FTO: variants seen among roughly 807,000 people sequenced by gnomAD.
FTO encodes FTO alpha-ketoglutarate dependent dioxygenase.
A neutral mutation model predicts 63.9 loss-of-function variants in FTO; 47 were observed. The ratio of observed to expected loss-of-function variants is 0.74; its 90% CI spans 0.58 to 0.94. The LOEUF (loss-of-function observed/expected upper bound fraction) is 0.94. FTO is among the 40% of genes least tolerant of loss of function. The pLI, the probability that FTO is intolerant of heterozygous loss-of-function variation, is 0.00. For missense variants in FTO, 562 were observed against 618.1 expected (o/e 0.91, Z 0.96); for synonymous variants, 207 against 224.4 (o/e 0.92, Z 0.69).
chr16:53,986,619 C>T (rs1401750427), intron 8 of FTO, among the ~76,000 whole-genome samples: 2 of 152,212 alleles, frequency 1.3e-5, no homozygotes, highest in African/African-American at 4.8e-5. Flanking sequence ...CTGCTTAAAA[C>T]TATAATCAAG....
At chr16:54,007,212 C>T (rs1466112773) in intron 8 of FTO, among the ~76,000 whole-genome samples, 3 of 151,970 alleles carry the variant, frequency 2.0e-5, no homozygotes, top group African/African-American at 2.4e-5. Flanking sequence ...ATGTAAATGA[C>T]GAGTTAATGG....
At chr16:54,053,983 C>G (rs1186448411) in intron 8 of FTO, among the ~76,000 whole-genome samples, 1 of 152,092 alleles carries the variant, frequency 6.6e-6, no homozygotes, top group East Asian at 1.9e-4. Context: ...TCCTGCAGCT[C>G]CGATTCCCCG....
intron 7 of FTO, among the ~76,000 whole-genome samples, chr16:53,910,148 A>G (rs2081651004): frequency 6.6e-6 from 1 of 152,130 alleles, no homozygotes; most frequent in African/African-American, 2.4e-5. Context: ...CACAAGAGGG[A>G]TGGCTCTGTA....
chr16:53,881,259 A>C (rs1364980663), intron 6 of FTO, among the ~76,000 whole-genome samples: 1 of 152,204 alleles, frequency 6.6e-6, no homozygotes, highest in African/African-American at 2.4e-5. Flanking sequence ...TAACATGTAC[A>C]TATTGAGGAG....
chr16:54,007,164 A>G (rs2084226814), intron 8 of FTO, among the ~76,000 whole-genome samples: 1 of 152,232 alleles, frequency 6.6e-6, no homozygotes, highest in Admixed American at 6.5e-5. Context: ...AAAAATTTGA[A>G]AACAATTCAG....
intron 7 of FTO, among the ~76,000 whole-genome samples, chr16:53,930,452 T>C (rs2082255168): frequency 6.6e-6 from 1 of 151,964 alleles, no homozygotes; most frequent in Non-Finnish European, 1.5e-5. Context: ...CTCGATCTCC[T>C]GATCTTGTGA....
At chr16:53,810,299 G>T in intron 2 of FTO, 82 bp downstream of exon 2, 1 of 954,124 alleles carries the variant, frequency 1.0e-6, no homozygotes, top group South Asian at 1.3e-5. Flanking sequence ...CTGGGCTAGA[G>T]AGGTTAAATG....
intron 6 of FTO, chr16:53,887,744 TAA>T (rs1723535136): frequency 6.6e-6 from 1 of 152,214 alleles, no homozygotes; most frequent in African/African-American, 2.4e-5. Flanking sequence ...GCATTTCAGA[TAA>T]GAGATATTCA....
At chr16:53,741,402 ATTGT>A (rs1273680132) in intron 1 of FTO, among the ~76,000 whole-genome samples, 1 of 152,066 alleles carries the variant, frequency 6.6e-6, no homozygotes, top group African/African-American at 2.4e-5. Flanking sequence ...CTTCTATTGC[ATTGT>A]TTGTTTATTC....
intron 8 of FTO, among the ~76,000 whole-genome samples, chr16:54,107,650 A>G (rs1359894451): frequency 7.1e-6 from 1 of 140,022 alleles, no homozygotes; most frequent in Non-Finnish European, 1.7e-5. Flanking sequence ...AAGGCAGGAA[A>G]TAACTGACAG....
intron 1 of FTO, among the ~76,000 whole-genome samples, chr16:53,773,998 A>G (rs550453087): frequency 3.9e-5 from 6 of 152,310 alleles, no homozygotes; most frequent in African/African-American, 1.2e-4. Flanking sequence ...AATTTTTTCC[A>G]TGGTCGTAAG....
chr16:53,999,677 A>G (rs2084023977), intron 8 of FTO: 1 of 152,170 alleles, frequency 6.6e-6, no homozygotes, highest in African/African-American at 2.4e-5. Flanking sequence ...TATATTTATA[A>G]CTTCACTGAC....
intron 1 of FTO, among the ~76,000 whole-genome samples, chr16:53,722,174 G>GT (rs2076055605): frequency 6.6e-6 from 1 of 152,126 alleles, no homozygotes; most frequent in South Asian, 2.1e-4. Flanking sequence ...GATACTAACG[G>GT]TAAGTTTGTG....
intron 8 of FTO, among the ~76,000 whole-genome samples, chr16:53,954,257 C>T (rs76222707): frequency 0.13 from 19,926 of 152,254 alleles, 1,511 homozygotes; most frequent in Non-Finnish European, 0.16. Context: ...TCTCTGTTCT[C>T]TGATTTCCCT....
chr16:53,794,872 G>C (rs2078020134), intron 1 of FTO, among the ~76,000 whole-genome samples: 1 of 152,072 alleles, frequency 6.6e-6, no homozygotes, highest in Non-Finnish European at 1.5e-5. Context: ...CTTTCACTTA[G>C]AATTAGCCTT....
chr16:53,761,583 G>T (rs1016424308), intron 1 of FTO, among the ~76,000 whole-genome samples: 1 of 152,148 alleles, frequency 6.6e-6, no homozygotes, highest in African/African-American at 2.4e-5. Flanking sequence ...ATTTAATATG[G>T]AGAAAATAAT....
chr16:53,960,358 A>G (rs2083042836), intron 8 of FTO, among the ~76,000 whole-genome samples: 1 of 152,184 alleles, frequency 6.6e-6, no homozygotes, highest in South Asian at 2.1e-4. Context: ...CACTTAGAAA[A>G]TGCCTGCCGT....
intron 1 of FTO, among the ~76,000 whole-genome samples, chr16:53,734,344 T>A (rs551752559): frequency 2.4e-4 from 37 of 152,332 alleles, no homozygotes; most frequent in African/African-American, 8.7e-4. Flanking sequence ...GTTCTGAATG[T>A]TATAAACTCT....
chr16:54,096,855 C>T (rs1354553390), intron 8 of FTO, among the ~76,000 whole-genome samples: 2 of 152,180 alleles, frequency 1.3e-5, no homozygotes, highest in Non-Finnish European at 2.9e-5. Flanking sequence ...GATACTGTCA[C>T]ATTAGAGGCT....
Sources: gnomAD v4.1 joint callset for allele counts (sites outside exome capture counted in the v4.1 genomes callset) on GRCh38, gnomAD v4.1.1 for gene constraint, MANE v1.5 for transcripts, NCBI Gene and HGNC (gene_info 2026-07-23, HGNC 2026-07-21) for gene names.